The following TAF4 variants were observed in gnomAD, a reference collection of about 807,000 sequenced individuals.
The protein encoded by TAF4 is TATA-box binding protein associated factor 4, also known as transcription initiation factor TFIID subunit 4.
A neutral mutation model predicts 90.3 loss-of-function variants in TAF4; 9 were observed. The ratio of observed to expected loss-of-function variants is 0.10; its 90% confidence interval spans 0.06 to 0.17. The LOEUF is 0.17. Ranked by LOEUF, TAF4 falls within the 10% of genes least tolerant of loss-of-function variation. The pLI, the probability that TAF4 is intolerant of heterozygous loss-of-function variation, is 1.00. For synonymous variants in TAF4, 818 were observed against 638.9 expected, an observed-to-expected ratio of 1.28 and a Z score of -4.23; for missense variants, 1,351 against 1,370.7, an observed-to-expected ratio of 0.99 and a Z score of 0.23.
rs371916253 is a variant in TAF4, at chr20:62,025,548, C to G, written c.1361-10841G>C. ...TTCCCCCAGGCGGTTCTCATGATAG[C>G]GAGTGAGTTCTCACGACATCTGGTG... On this transcript the variant is annotated intron_variant, in intron 1 of 14. Transcript: ENST00000252996. Among the ~76,000 whole-genome samples the G allele has an allele frequency of 1.3e-3, 199 of 152,244 alleles. 8 individuals are homozygous for G. In the South Asian group the frequency reaches 0.041, roughly 31 times the overall value.
intron 14 of TAF4, chr20:61,980,673 G>C (rs2055535053): frequency 6.6e-6 from 1 of 152,282 alleles, no homozygotes; most frequent in Non-Finnish European, 1.5e-5. Context: ...CTGCCGAGCT[G>C]ATGTCTCCCA....
At chr20:62,029,760 GCTGGGCGTGGGAGCACACAC>G (rs2055894410) in intron 1 of TAF4, among the ~76,000 whole-genome samples, 1 of 152,176 alleles carries the variant, frequency 6.6e-6, no homozygotes, top group Non-Finnish European at 1.5e-5. Flanking sequence ...ACAAAAATTA[GCTGGGCGTGGGAGCACACAC>G]CTGTAATCCC....
At chr20:62,063,782 C>T (rs1485105111) in intron 1 of TAF4, among the ~76,000 whole-genome samples, 1 of 152,262 alleles carries the variant, frequency 6.6e-6, no homozygotes, top group African/African-American at 2.4e-5. Flanking sequence ...TACTCCACAG[C>T]GTGGCTCTCA....
In TAF4 at chr20:62,014,536, C is replaced by T. The variant is rs28382045; in HGVS notation, c.1521+11G>A. On this transcript the variant is annotated intron_variant, in intron 2 of 14. Transcript: ENST00000252996. The stretch of plus-strand genomic sequence containing the variant: ...GAAGGGGTTCGCACTCCAGGGCACA[C>T]GTGCACTCACCTGTACGGTGGAGAT... 4,545 of 1,599,484 alleles carry T rather than the reference C, an allele frequency of 2.8e-3. 109 individuals are homozygous for T. The African/African-American group carries it at 0.052, about 18-fold the overall frequency.
intron 14 of TAF4, among the ~76,000 whole-genome samples, chr20:61,992,173 C>T (rs1378057008): frequency 2.0e-5 from 3 of 152,166 alleles, no homozygotes; most frequent in Admixed American, 2.0e-4. Context: ...CGGCATTAAA[C>T]ATGTCATTAT....
At position 61,974,922 on chromosome 20, in the gene TAF4, T is replaced by G. The variant is rs1007738638; in HGVS notation, c.*1246A>C. The G allele has an allele frequency of 2.6e-5, 4 of 152,244 alleles. No homozygotes were observed. Among genetic ancestry groups the G allele is most frequent in the African/African-American group, 9.7e-5 (4 of 41,388 alleles). The allele number at this position is 152,244 out of a possible 1,614,324, so 9.4% of individuals were successfully genotyped here. On this transcript the variant is annotated 3_prime_UTR_variant, in exon 15 of 15. Coordinates refer to ENST00000252996, the MANE Select transcript of TAF4 (RefSeq NM_003185.4). This position sits in a 1 kb window ranked among gnomAD's most constrained non-coding sequence, Gnocchi z 4.1. ...ATATGAACAAGTAACTGTGCAAAAT[T>G]TACATGAAAAAATGGAAAGACAGGG...
intron 5 of TAF4, 78 bp from the exon 6 acceptor site, chr20:62,007,714 T>C (rs1364309276): frequency 2.1e-6 from 3 of 1,400,866 alleles, no homozygotes; most frequent in Admixed American, 3.9e-5. Context: ...CACTCTGGTC[T>C]CGTATTTTAC....
chr20:62,029,840 A>G (rs1390832867), intron 1 of TAF4, among the ~76,000 whole-genome samples: 1 of 152,130 alleles, frequency 6.6e-6, no homozygotes, highest in Non-Finnish European at 1.5e-5. Context: ...CGGGAGTCGG[A>G]GCTTGCGGTG....
chr20:61,976,476 G>A lies in TAF4; in HGVS notation c.3091-141C>T, dbSNP rs1030563275. ...GCTCCTTCCGGTAGGCCCACAGCTG[G>A]AGCTGGGGTGCTGTCCAGGGCCCTG... On this transcript the variant is annotated intron_variant, in intron 14 of 14. Transcript: ENST00000252996. The A allele has an allele frequency of 1.9e-5, 18 of 964,046 alleles. 1 individual carries two copies. Among genetic ancestry groups the A allele is most frequent in the Non-Finnish European group, 2.6e-5 (17 of 644,174 alleles). 59.7% of individuals were successfully genotyped at this position (964,046 alleles called of 1,614,324 possible). A position where few individuals can be genotyped will look rare whatever the true frequency, so the allele number is the denominator to read the frequency against.
intron 6 of TAF4, among the ~76,000 whole-genome samples, chr20:62,007,325 C>T (rs1030450734): frequency 1.3e-5 from 2 of 152,218 alleles, no homozygotes; most frequent in South Asian, 2.1e-4. Context: ...ACCTTGCGCA[C>T]GACAGAACCA....
intron 1 of TAF4, among the ~76,000 whole-genome samples, chr20:62,029,254 T>C (rs2055890673): frequency 6.6e-6 from 1 of 152,040 alleles, no homozygotes; most frequent in South Asian, 2.1e-4. Context: ...CATAGCTGTT[T>C]GTTGTACTCA....
At chr20:62,046,125 C>T (rs915917371) in intron 1 of TAF4, among the ~76,000 whole-genome samples, 1 of 152,206 alleles carries the variant, frequency 6.6e-6, no homozygotes, top group Non-Finnish European at 1.5e-5. Flanking sequence ...ACAAATGAGA[C>T]ACAAATGACA....
At chr20:62,043,817 C>A (rs2055977547) in intron 1 of TAF4, among the ~76,000 whole-genome samples, 1 of 152,200 alleles carries the variant, frequency 6.6e-6, no homozygotes, top group South Asian at 2.1e-4. Context: ...GATGCTCGCA[C>A]AACGATGACA....
At chr20:62,012,746 T>C in intron 3 of TAF4, 69 bp downstream of exon 3, 12 of 1,502,812 alleles carry the variant, frequency 8.0e-6, no homozygotes, top group Non-Finnish European at 1.1e-5. Flanking sequence ...TAAGGCCTGA[T>C]CTCTGCATCA....
In TAF4 at chr20:61,976,317, C is replaced by G. The variant is rs748896266; in HGVS notation, c.3109G>C (p.Val1037Leu). 26 of 1,613,478 alleles carry G rather than the reference C, an allele frequency of 1.6e-5. No individual in the cohort carries two copies. In the South Asian group the frequency reaches 2.9e-4, roughly 18 times the overall value. ...SGAEGSGPGS[V>L]VPGSSGVGTP... Reference sequence around the variant, plus strand: ...CCGACACCCGAGCTGCCTGGGACCACTGAGCCGGGGCCCGACCCCTGGTGA... The same window carrying G: ...CCGACACCCGAGCTGCCTGGGACCAGTGAGCCGGGGCCCGACCCCTGGTGA... Residue 1037 changes from valine to leucine, a missense_variant, in exon 15 of 15, where the codon GTG becomes CTG. Physicochemically the swap from Val to Leu is conservative, Grantham distance 32. Transcript: ENST00000252996.
chr20:61,984,226 T>C (rs2055568607), intron 14 of TAF4, among the ~76,000 whole-genome samples: 1 of 152,068 alleles, frequency 6.6e-6, no homozygotes, highest in African/African-American at 2.4e-5. Flanking sequence ...CCACAGACGC[T>C]GACTGCACCA....
Position 62,065,161 on chromosome 20 carries a change from A to C in TAF4, c.650T>G (p.Leu217Arg). Residue 217 changes from leucine (L) to arginine (R), a missense_variant, in exon 1 of 15, where the codon CTG becomes CGG. Around this residue, in one of 9 missense-constraint regions of TAF4, gnomAD observed 782 missense variants for 536.6 expected, o/e 1.46. Transcript: ENST00000252996. ...SHHAAAPAVS[L>R]VNNGPAALLP... The stretch of plus-strand genomic sequence containing the variant: ...CAGCGCGGCGGGCCCGTTGTTGACC[A>C]GGCTGACAGCAGGTGCGGCGGCGTG... The C allele has an allele frequency of 8.3e-7, 1 of 1,204,314 alleles. No individual in the cohort carries two copies. The highest frequency in any genetic ancestry group is 8.3e-5 in the East Asian group (1 of 12,016). 74.6% of individuals were successfully genotyped at this position (1,204,314 alleles called of 1,614,324 possible).
chr20:62,029,674 G>A (rs73611600), intron 1 of TAF4, among the ~76,000 whole-genome samples: 1 of 151,972 alleles, frequency 6.6e-6, no homozygotes, highest in African/African-American at 2.4e-5. Flanking sequence ...CTGGGAGGCC[G>A]AGGCAGGCGG....
intron 1 of TAF4, among the ~76,000 whole-genome samples, chr20:62,039,858 C>T (rs1210254243): frequency 6.6e-6 from 1 of 152,022 alleles, no homozygotes; most frequent in African/African-American, 2.4e-5. Context: ...AGACACCTCC[C>T]GAAAGAAGAT....
Sources: allele counts gnomAD v4.1 joint callset (sites outside exome capture counted in the v4.1 genomes callset), GRCh38; gene constraint gnomAD v4.1.1; regional missense constraint gnomAD v4.1.1; non-coding constraint Gnocchi (gnomAD v3.1); transcripts MANE v1.5; gene names NCBI Gene and HGNC (gene_info 2026-07-23, HGNC 2026-07-21).